The following NKAIN2 variants were observed in gnomAD, a reference collection of about 807,000 sequenced individuals.
The protein encoded by NKAIN2 is sodium/potassium-transporting ATPase subunit beta-1-interacting protein 2.
Under a neutral mutation model 32.6 loss-of-function variants are expected in NKAIN2, and 14 were observed. The ratio of observed to expected loss-of-function variants is 0.43; its 90% CI spans 0.28 to 0.67. The LOEUF (loss-of-function observed/expected upper bound fraction) is 0.67. Ranked by LOEUF, NKAIN2 falls within the 30% of genes least tolerant of loss-of-function variation. The pLI, the probability that NKAIN2 is intolerant of heterozygous loss-of-function variation, is 0.17. For missense variants in NKAIN2, 198 were observed against 258.3 expected (o/e 0.77, Z 1.60); for synonymous variants, 80 against 87.2 (o/e 0.92, Z 0.46).
chr6:124,185,652 G>A (rs970219921), intron 1 of NKAIN2, among the ~76,000 whole-genome samples: 2 of 152,096 alleles, frequency 1.3e-5, no homozygotes, highest in African/African-American at 4.8e-5. Context: ...AATACTTCAT[G>A]AAATAGCATT....
At chr6:123,935,724 T>G (rs1463408015) in intron 1 of NKAIN2, among the ~76,000 whole-genome samples, 1 of 152,114 alleles carries the variant, frequency 6.6e-6, no homozygotes, top group Non-Finnish European at 1.5e-5. Flanking sequence ...GTCTTTAAGT[T>G]CTAACAGAGT....
rs1001012973 is a variant in NKAIN2, at chr6:124,268,565, G to T, written c.55-14440G>T. 2.0e-5 allele frequency among the ~76,000 whole-genome samples: 3 copies of T among 151,974 alleles called. No individual in the cohort carries two copies. The East Asian group carries it at 5.8e-4, about 29-fold the overall frequency. On this transcript the variant is annotated intron_variant, in intron 1 of 6. Coordinates refer to ENST00000368417, the MANE Select transcript of NKAIN2 (RefSeq NM_001040214.3). ...CTCTATTACTTACATATTTTTATTA[G>T]CTGGTATTTTGTGTTGTTTTATCAC... is the stretch of plus-strand genomic sequence containing the variant.
intron 1 of NKAIN2, among the ~76,000 whole-genome samples, chr6:123,830,769 G>A (rs1229535382): frequency 2.6e-5 from 4 of 152,170 alleles, no homozygotes; most frequent in African/African-American, 9.7e-5. Context: ...AGCAGGGATT[G>A]TGTTTTGCTC....
At position 124,081,049 on chromosome 6, in the gene NKAIN2, A is replaced by G. The variant is rs146143697; in HGVS notation, c.55-201956A>G. ...ATATGAAGGTATAGATAACATAAAA[A>G]TAAAGTTCCTAGTCTTAAAAAAGAG... is the stretch of plus-strand genomic sequence containing the variant. On this transcript the variant is annotated intron_variant, in intron 1 of 6. Transcript: ENST00000368417. 3.5e-3 allele frequency among the ~76,000 whole-genome samples: 530 copies of G among 152,278 alleles called. 3 individuals are homozygous for G. The highest frequency in any genetic ancestry group is 0.012 in the African/African-American group (501 of 41,578).
At chr6:123,990,330 G>T (rs1156730138) in intron 1 of NKAIN2, among the ~76,000 whole-genome samples, 2 of 152,158 alleles carry the variant, frequency 1.3e-5, no homozygotes, top group African/African-American at 2.4e-5. Context: ...TTCTTTAAAA[G>T]AATTATGTAC....
At chr6:124,672,585 AG>A (rs1405788963) in intron 4 of NKAIN2, among the ~76,000 whole-genome samples, 2 of 152,090 alleles carry the variant, frequency 1.3e-5, no homozygotes, top group African/African-American at 4.8e-5. Context: ...TAAAAAGAAA[AG>A]TCAGTTAGAT....
At chr6:124,303,816 G>A (rs936245981) in intron 2 of NKAIN2, among the ~76,000 whole-genome samples, 1 of 152,164 alleles carries the variant, frequency 6.6e-6, no homozygotes, top group Non-Finnish European at 1.5e-5. Context: ...AAGATGAAGA[G>A]GACTTGAACT....
At chr6:124,061,970 T>G (rs2114857735) in intron 1 of NKAIN2, among the ~76,000 whole-genome samples, 1 of 152,278 alleles carries the variant, frequency 6.6e-6, no homozygotes, top group Middle Eastern at 3.4e-3. Flanking sequence ...AGAATGTGTG[T>G]TTTAACACAA....
At chr6:123,825,254 T>A (rs2046843) in intron 1 of NKAIN2, among the ~76,000 whole-genome samples, 23,891 of 152,072 alleles carry the variant, frequency 0.16, 4,451 homozygotes, top group African/African-American at 0.45. Context: ...ACACGTGGAT[T>A]TTGTGGGGAC....
At chr6:124,215,963 C>A (rs1243298437) in intron 1 of NKAIN2, among the ~76,000 whole-genome samples, 1 of 151,664 alleles carries the variant, frequency 6.6e-6, no homozygotes, top group East Asian at 1.9e-4. Flanking sequence ...ACTAAAAATA[C>A]AAAAATTAGC....
At chr6:124,006,939 T>G (rs548136367) in intron 1 of NKAIN2, among the ~76,000 whole-genome samples, 2 of 152,290 alleles carry the variant, frequency 1.3e-5, no homozygotes, top group East Asian at 1.9e-4. Context: ...CTAAGGAAAT[T>G]TAGCCATTTA....
intron 4 of NKAIN2, among the ~76,000 whole-genome samples, chr6:124,719,004 A>C (rs560280018): frequency 6.6e-6 from 1 of 152,234 alleles, no homozygotes; most frequent in Non-Finnish European, 1.5e-5. Flanking sequence ...CTGACTAGTA[A>C]AGAAGACTTA....
intron 3 of NKAIN2, among the ~76,000 whole-genome samples, chr6:124,559,458 G>A (rs940453329): frequency 4.6e-5 from 7 of 152,100 alleles, no homozygotes; most frequent in South Asian, 2.1e-4. Flanking sequence ...ATTCCTTACC[G>A]TCTCAACTAC....
intron 3 of NKAIN2, among the ~76,000 whole-genome samples, chr6:124,493,246 A>C (rs1168765005): frequency 6.6e-6 from 1 of 152,054 alleles, no homozygotes; most frequent in Non-Finnish European, 1.5e-5. Context: ...AAACATATTT[A>C]GCCTAGATAT....
At chr6:124,754,557 A>G (rs1014820041) in intron 4 of NKAIN2, among the ~76,000 whole-genome samples, 1 of 152,108 alleles carries the variant, frequency 6.6e-6, no homozygotes, top group African/African-American at 2.4e-5. Context: ...ACTTATCATT[A>G]GAGGAATGCA....
intron 2 of NKAIN2, among the ~76,000 whole-genome samples, chr6:124,354,354 T>A (rs1798872181): frequency 6.6e-6 from 1 of 152,172 alleles, no homozygotes; most frequent in African/African-American, 2.4e-5. Context: ...GCCTTCTGGA[T>A]GCTTCATACA....
intron 3 of NKAIN2, among the ~76,000 whole-genome samples, chr6:124,568,728 G>C (rs183299360): frequency 6.7e-6 from 1 of 149,540 alleles, no homozygotes; most frequent in African/African-American, 2.5e-5. Flanking sequence ...GAATTCTATA[G>C]GCTGTCCACT....
intron 1 of NKAIN2, among the ~76,000 whole-genome samples, chr6:124,161,724 A>G (rs113406287): frequency 1.2e-4 from 18 of 152,100 alleles, no homozygotes; most frequent in South Asian, 1.0e-3. Context: ...GTTCTCACTT[A>G]TAAGTGGGAG....
intron 1 of NKAIN2, among the ~76,000 whole-genome samples, chr6:124,039,050 A>G (rs184693528): frequency 6.3e-4 from 96 of 152,234 alleles, no homozygotes; most frequent in Middle Eastern, 3.4e-3. Flanking sequence ...TATAAAAAGG[A>G]CATTCTTACA....
Sources: gnomAD v4.1 joint callset for allele counts (sites outside exome capture counted in the v4.1 genomes callset) on GRCh38, gnomAD v4.1.1 for gene constraint, MANE v1.5 for transcripts, NCBI Gene and HGNC (gene_info 2026-07-23, HGNC 2026-07-21) for gene names.